TMEM169: variants seen among roughly 807,000 people sequenced by gnomAD.
TMEM169 encodes the protein transmembrane protein 169.
In TMEM169, 18 loss-of-function variants were observed where a neutral mutation model predicts 27.3. The ratio of observed to expected loss-of-function variants is 0.66; its 90% CI spans 0.46 to 0.98. The LOEUF is 0.98. Among genes scored for constraint, TMEM169 ranks in the 50% least tolerant of loss-of-function variants. The probability of loss-of-function intolerance (pLI) is 0.00; values close to 1 mark genes in which losing one functional copy is unlikely to be tolerated. For synonymous variants in TMEM169, 136 were observed against 142.1 expected (o/e 0.96, Z 0.30); for missense variants, 320 against 368.6 (o/e 0.87, Z 1.08).
chr2:216,095,704 G>T, intron 1 of TMEM169, 134 bp from the exon 2 acceptor site: 1 of 415,910 alleles, frequency 2.4e-6, no homozygotes, highest in Non-Finnish European at 4.3e-6. Context: ...GATTTAGATT[G>T]CATTCCCAAA....
chr2:216,092,661 G>T (rs1696160247), intron 1 of TMEM169, among the ~76,000 whole-genome samples: 1 of 152,208 alleles, frequency 6.6e-6, no homozygotes, highest in South Asian at 2.1e-4. Context: ...TAAAGAAGGA[G>T]TAAGGAGTAC....
In TMEM169 at chr2:216,102,301, G is replaced by C. The variant is rs762659526; in HGVS notation, c.*1759G>C. Reference sequence around the variant, plus strand: ...CCACAGACATGATCTTTGCTGTGCTGAGAAACTTGTGTCTACCTGGCCTGT... The same window carrying C: ...CCACAGACATGATCTTTGCTGTGCTCAGAAACTTGTGTCTACCTGGCCTGT... On this transcript the variant is annotated 3_prime_UTR_variant, in exon 3 of 3. Coordinates refer to ENST00000437356, the MANE Select transcript of TMEM169 (RefSeq NM_001142311.2). 3.9e-5 allele frequency: 6 copies of C among 152,032 alleles called. No homozygotes were observed. The highest frequency in any genetic ancestry group is 8.8e-5 in the Non-Finnish European group (6 of 68,008). 9.4% of individuals were successfully genotyped at this position (152,032 alleles called of 1,614,324 possible).
Position 216,100,957 on chromosome 2 carries a change from G to A in TMEM169, c.*415G>A. The A allele has an allele frequency of 4.1e-6, 1 of 246,344 alleles. No individual in the cohort carries two copies. Among genetic ancestry groups the A allele is most frequent in the Non-Finnish European group, 7.9e-6 (1 of 126,018 alleles). The allele number at this position is 246,344 out of a possible 1,614,324, so 15.3% of individuals were successfully genotyped here. A position where few individuals can be genotyped will look rare whatever the true frequency, so the allele number is the denominator to read the frequency against. On this transcript the variant is annotated 3_prime_UTR_variant, in exon 3 of 3. Transcript: ENST00000437356. The stretch of plus-strand genomic sequence containing the variant: ...GATGGAGTGAGACATTTAGGAAGCT[G>A]GACTACCACAGTGTAGCAGAAGGTA...
chr2:216,088,529 G>T (rs575723122), intron 1 of TMEM169, among the ~76,000 whole-genome samples: 16 of 152,272 alleles, frequency 1.1e-4, no homozygotes, highest in Admixed American at 8.5e-4. Flanking sequence ...ATAGCACATA[G>T]TGTTGCTTAA....
At chr2:216,082,660 A>G (rs1170555139) in intron 1 of TMEM169, 1 of 152,294 alleles carries the variant, frequency 6.6e-6, no homozygotes, top group Non-Finnish European at 1.5e-5. Flanking sequence ...CGTCTGTGTT[A>G]TGGTGCCCAG....
At chr2:216,092,541 C>T (rs1172555270) in intron 1 of TMEM169, among the ~76,000 whole-genome samples, 2 of 152,146 alleles carry the variant, frequency 1.3e-5, no homozygotes, top group Non-Finnish European at 2.9e-5. Flanking sequence ...GCACCACCCC[C>T]TCAACAAAGA....
At chr2:216,095,817 C>A in intron 1 of TMEM169, 21 bp from the exon 2 acceptor site, 1 of 945,512 alleles carries the variant, frequency 1.1e-6, no homozygotes. Flanking sequence ...CTGTTGATGG[C>A]TTTGCTTTCC....
rs1042063449 is a variant in TMEM169 at position 216,101,408 on chromosome 2, C to T, written c.*866C>T. 3.3e-5 allele frequency: 5 copies of T among 152,230 alleles called. No individual in the cohort carries two copies. The highest frequency in any genetic ancestry group is 9.7e-5 in the African/African-American group (4 of 41,438). The allele number at this position is 152,230 out of a possible 1,614,324, so 9.4% of individuals were successfully genotyped here. ...AGTTGTTTGGCTGGGTAGCTATATT[C>T]TCAGCTAAATACTGGGTTCACGCTA... On this transcript the variant is annotated 3_prime_UTR_variant, in exon 3 of 3. Transcript: ENST00000437356.
intron 1 of TMEM169, among the ~76,000 whole-genome samples, chr2:216,091,338 G>A (rs567855396): frequency 1.4e-4 from 21 of 152,146 alleles, no homozygotes; most frequent in African/African-American, 4.3e-4. Context: ...AGGCCAAGGC[G>A]GGCGGATCAT....
intron 2 of TMEM169, among the ~76,000 whole-genome samples, chr2:216,097,707 T>C (rs767479654): frequency 6.6e-6 from 1 of 152,200 alleles, no homozygotes; most frequent in Non-Finnish European, 1.5e-5. Context: ...TCTCCTGCAG[T>C]TGACCTTCAG....
chr2:216,090,859 G>A (rs771489803), intron 1 of TMEM169, among the ~76,000 whole-genome samples: 4 of 152,164 alleles, frequency 2.6e-5, no homozygotes, highest in Admixed American at 6.5e-5. Flanking sequence ...CAGACTTGCA[G>A]GAAACTAACA....
chr2:216,088,244 G>A (rs1411223773), intron 1 of TMEM169, among the ~76,000 whole-genome samples: 1 of 152,010 alleles, frequency 6.6e-6, no homozygotes, highest in East Asian at 1.9e-4. Flanking sequence ...CAGATCACAA[G>A]GTCAGGAGAT....
chr2:216,093,739 G>C (rs1364943017), intron 1 of TMEM169, among the ~76,000 whole-genome samples: 1 of 152,022 alleles, frequency 6.6e-6, no homozygotes, highest in Admixed American at 6.6e-5. Flanking sequence ...CTGCCTGGAG[G>C]GGGAGAAAAA....
At chr2:216,097,170 T>C (rs1696282152) in intron 2 of TMEM169, among the ~76,000 whole-genome samples, 1 of 152,250 alleles carries the variant, frequency 6.6e-6, no homozygotes, top group Non-Finnish European at 1.5e-5. Context: ...ATGCCCATGT[T>C]ATCCTTGTAT....
At chr2:216,091,341 C>T (rs538490400) in intron 1 of TMEM169, among the ~76,000 whole-genome samples, 35 of 152,102 alleles carry the variant, frequency 2.3e-4, no homozygotes, top group Admixed American at 1.0e-3. Context: ...CCAAGGCGGG[C>T]GGATCATGAG....
rs776176310 is a variant in TMEM169, at chr2:216,098,530, G to A, written c.272-1390G>A. Among the ~76,000 whole-genome samples, 25 of 152,272 alleles carry A rather than the reference G, an allele frequency of 1.6e-4. No homozygotes were observed. The Middle Eastern group carries it at 0.01, about 62-fold the overall frequency. ...GAGACTGCACATTCCTTTTCTCTGG[G>A]TAAACAGAGTCCCTGCCACTATCCA... On this transcript the variant is annotated intron_variant, in intron 2 of 2. Coordinates refer to ENST00000437356, the MANE Select transcript of TMEM169 (RefSeq NM_001142311.2).
intron 1 of TMEM169, among the ~76,000 whole-genome samples, chr2:216,093,066 A>G (rs1040434489): frequency 1.8e-4 from 28 of 152,218 alleles, no homozygotes; most frequent in African/African-American, 6.5e-4. Flanking sequence ...ATACATATGT[A>G]TAAGTACATA....
intron 2 of TMEM169, among the ~76,000 whole-genome samples, chr2:216,097,286 A>G (rs1362073760): frequency 6.6e-6 from 1 of 152,162 alleles, no homozygotes; most frequent in Non-Finnish European, 1.5e-5. Flanking sequence ...CTATAATCCC[A>G]GCACTTTGTG....
intron 1 of TMEM169, among the ~76,000 whole-genome samples, chr2:216,085,205 G>A (rs1695969278): frequency 6.6e-6 from 1 of 152,152 alleles, no homozygotes; most frequent in African/African-American, 2.4e-5. Flanking sequence ...GGTGGCTCAT[G>A]CCTGGAATCC....
Sources: gnomAD v4.1 joint callset for allele counts (sites outside exome capture counted in the v4.1 genomes callset) on GRCh38, gnomAD v4.1.1 for gene constraint, MANE v1.5 for transcripts, NCBI Gene and HGNC (gene_info 2026-07-23, HGNC 2026-07-21) for gene names.